Variants in SYN3 observed in about 807,000 individuals in gnomAD.
The protein encoded by SYN3 is synapsin-3.
In SYN3, 35 loss-of-function variants were observed where a neutral mutation model predicts 65.8. The observed-to-expected ratio is 0.53, with a 90% CI of 0.41 to 0.70. The LOEUF is 0.70. SYN3 is among the 30% of genes least tolerant of loss of function. SYN3 has a pLI of 0.00. For synonymous variants in SYN3, 270 were observed against 292.9 expected, an observed-to-expected ratio of 0.92 and a Z score of 0.80; for missense variants, 680 against 749.0, an observed-to-expected ratio of 0.91 and a Z score of 1.08.
In SYN3 at chr22:32,596,782, C is replaced by T; in HGVS notation, c.712-46G>A. Reference sequence around the variant, plus strand: ...TCACTCTTAACATCTCAGAGCATTGCCACCAAGGCTCTGGGTGCTGCTTGT... The same window carrying T: ...TCACTCTTAACATCTCAGAGCATTGTCACCAAGGCTCTGGGTGCTGCTTGT... On this transcript the variant is annotated intron_variant, in intron 6 of 13. Transcript: ENST00000358763. 3 of 1,560,800 alleles carry T rather than the reference C, an allele frequency of 1.9e-6. 1 individual carries two copies. The highest frequency in any genetic ancestry group is 2.2e-5 in the South Asian group (2 of 89,084).
At chr22:33,001,608 TTAA>T (rs2053060794) in intron 2 of SYN3, among the ~76,000 whole-genome samples, 1 of 152,218 alleles carries the variant, frequency 6.6e-6, no homozygotes, top group South Asian at 2.1e-4. Context: ...GTTAAGATGA[TTAA>T]TGTTACACAG....
chr22:32,685,136 C>G (rs2060573271), intron 6 of SYN3, among the ~76,000 whole-genome samples: 1 of 152,178 alleles, frequency 6.6e-6, no homozygotes, highest in Non-Finnish European at 1.5e-5. Context: ...ATGTCAAGGG[C>G]ATTTTCCCAT....
intron 6 of SYN3, among the ~76,000 whole-genome samples, chr22:32,798,265 G>A (rs1268583055): frequency 1.3e-5 from 2 of 152,034 alleles, no homozygotes; most frequent in African/African-American, 2.4e-5. Context: ...AGACTCAAAC[G>A]AATCTGTCTA....
At chr22:32,603,240 C>T (rs1435174402) in intron 6 of SYN3, among the ~76,000 whole-genome samples, 1 of 151,734 alleles carries the variant, frequency 6.6e-6, no homozygotes, top group South Asian at 2.1e-4. Flanking sequence ...TGGCCGGGCG[C>T]GGTGGCTCAT....
intron 12 of SYN3, among the ~76,000 whole-genome samples, chr22:32,526,041 T>G (rs1230883153): frequency 6.6e-6 from 1 of 152,206 alleles, no homozygotes; most frequent in African/African-American, 2.4e-5. Context: ...GAAAGGTTAC[T>G]ATTCACCTAG....
intron 6 of SYN3, among the ~76,000 whole-genome samples, chr22:32,834,475 T>C (rs2047673066): frequency 1.3e-5 from 2 of 152,148 alleles, no homozygotes; most frequent in Non-Finnish European, 2.9e-5. Flanking sequence ...GCCCACCTTT[T>C]GATAGGAGCC....
intron 6 of SYN3, among the ~76,000 whole-genome samples, chr22:32,778,706 T>G (rs997585490): frequency 1.3e-5 from 2 of 152,174 alleles, no homozygotes; most frequent in African/African-American, 4.8e-5. Context: ...AGGACTTGCA[T>G]TTAACTGCAG....
intron 3 of SYN3, among the ~76,000 whole-genome samples, chr22:32,936,843 GT>G (rs1237362856): frequency 6.6e-5 from 10 of 152,128 alleles, no homozygotes; most frequent in Non-Finnish European, 1.2e-4. Flanking sequence ...TTCAATCCCA[GT>G]TTTACAGTGA....
intron 4 of SYN3, among the ~76,000 whole-genome samples, chr22:32,881,524 C>T (rs1047725628): frequency 2.6e-5 from 4 of 152,144 alleles, no homozygotes; most frequent in East Asian, 1.9e-4. Context: ...CCAAAAGATG[C>T]TAAACGCTCC....
Position 32,507,881 on chromosome 22 carries a change from C to T in SYN3, c.*5811G>A, listed in dbSNP as rs1327731486. The stretch of plus-strand genomic sequence containing the variant: ...TTCTAACATCCCCACAATATCACCC[C>T]TTACCACGAGACCTCCCTTCAGCTT... On this transcript the variant is annotated 3_prime_UTR_variant, in exon 14 of 14. Coordinates refer to ENST00000358763, the MANE Select transcript of SYN3 (RefSeq NM_003490.4). 6.6e-6 allele frequency among the ~76,000 whole-genome samples: 1 copy of T among 152,060 alleles called. No homozygotes were observed. Among genetic ancestry groups the T allele is most frequent in the Admixed American group, 6.6e-5 (1 of 15,264 alleles).
intron 6 of SYN3, among the ~76,000 whole-genome samples, chr22:32,758,951 T>C (rs1307694426): frequency 6.6e-6 from 1 of 151,588 alleles, no homozygotes; most frequent in East Asian, 2.0e-4. Context: ...CTTGTGATGA[T>C]AACCAAAAGT....
intron 6 of SYN3, chr22:32,629,805 A>T (rs1481151697): frequency 6.6e-6 from 1 of 152,130 alleles, no homozygotes; most frequent in Non-Finnish European, 1.5e-5. Context: ...GGTTAAGAGC[A>T]TGTACCCTGG....
rs1456391544 is a variant in SYN3 at position 33,058,354 on chromosome 22, C to G, written c.-225G>C. The stretch of plus-strand genomic sequence containing the variant: ...TCGGCGCGGCGCCCGCCAGTCGATC[C>G]GCTCCGGGTCCCGGGAGCTCAGCCT... On this transcript the variant is annotated 5_prime_UTR_variant, in exon 1 of 14. Transcript: ENST00000358763. The G allele has an allele frequency of 1.3e-5, 2 of 151,704 alleles. No homozygotes were observed. The highest frequency in any genetic ancestry group is 3.4e-3 in the Middle Eastern group (1 of 292). The allele number at this position is 151,704 out of a possible 1,614,324, so 9.4% of individuals were successfully genotyped here.
chr22:32,820,473 C>G (rs1269178248), intron 6 of SYN3, among the ~76,000 whole-genome samples: 1 of 152,062 alleles, frequency 6.6e-6, no homozygotes, highest in Non-Finnish European at 1.5e-5. Context: ...AAAACCTGCA[C>G]CTGAAAGCCG....
intron 4 of SYN3, among the ~76,000 whole-genome samples, chr22:32,907,134 G>A (rs778231630): frequency 1.3e-5 from 2 of 152,102 alleles, no homozygotes; most frequent in Non-Finnish European, 2.9e-5. Flanking sequence ...TTAATTAATA[G>A]ATATATTTAT....
At chr22:32,781,907 G>C (rs960701752) in intron 6 of SYN3, among the ~76,000 whole-genome samples, 1 of 151,938 alleles carries the variant, frequency 6.6e-6, no homozygotes, top group Non-Finnish European at 1.5e-5. Flanking sequence ...TTTTTAAACA[G>C]AACAGACAAG....
intron 7 of SYN3, among the ~76,000 whole-genome samples, chr22:32,584,995 C>T (rs1300995205): frequency 6.6e-6 from 1 of 152,102 alleles, no homozygotes; most frequent in Admixed American, 6.6e-5. Context: ...TCCTGAGGGT[C>T]CCTGGCAGCA....
At chr22:32,651,273 T>A (rs2146951314) in intron 6 of SYN3, among the ~76,000 whole-genome samples, 1 of 152,206 alleles carries the variant, frequency 6.6e-6, no homozygotes, top group South Asian at 2.1e-4. Context: ...GATGCCAGCA[T>A]TGATGTGTGT....
intron 6 of SYN3, among the ~76,000 whole-genome samples, chr22:32,854,317 C>A (rs1377115211): frequency 6.6e-6 from 1 of 152,156 alleles, no homozygotes; most frequent in African/African-American, 2.4e-5. Flanking sequence ...TTCCTTCAAA[C>A]TTCCAAGTAG....
Sources: gnomAD v4.1 joint callset for allele counts (sites outside exome capture counted in the v4.1 genomes callset) on GRCh38, gnomAD v4.1.1 for gene constraint, MANE v1.5 for transcripts, NCBI Gene and HGNC (gene_info 2026-07-23, HGNC 2026-07-21) for gene names.